Variants in CELF2 observed in about 807,000 individuals in gnomAD.
CELF2 encodes the protein CUGBP Elav-like family member 2.
A neutral mutation model predicts 62.6 loss-of-function variants in CELF2; 8 were observed. That is an observed-to-expected ratio of 0.13 (90% CI 0.07 to 0.23). The LOEUF (loss-of-function observed/expected upper bound fraction) is 0.23. Among genes scored for constraint, CELF2 ranks in the 10% least tolerant of loss-of-function variants. The pLI is 1.00. For missense variants in CELF2, 333 were observed against 671.0 expected (o/e 0.50, Z 5.56); for synonymous variants, 258 against 250.0 (o/e 1.03, Z -0.30).
chr10:11,131,853 G>C (rs1466281181), intron 1 of CELF2, among the ~76,000 whole-genome samples: 5 of 152,214 alleles, frequency 3.3e-5, no homozygotes, highest in Non-Finnish European at 5.9e-5. Context: ...CGGCTGGTTA[G>C]ACATAAAAGC....
chr10:10,798,850 T>C (rs2054338943), intron 1 of CELF2: 2 of 398,892 alleles, frequency 5.0e-6, no homozygotes, highest in South Asian at 2.5e-4. Context: ...TGCATCCTGG[T>C]TTGAGTTCAT....
the CELF2 span, among the ~76,000 whole-genome samples, chr10:10,529,640 T>G: frequency 7.6e-6 from 1 of 130,998 alleles, no homozygotes; most frequent in African/African-American, 3.0e-5. Flanking sequence ...GCCGAGATTG[T>G]GCCACTACAC....
intron 2 of CELF2, among the ~76,000 whole-genome samples, chr10:10,973,779 G>A (rs1287867952): frequency 6.6e-6 from 1 of 152,044 alleles, no homozygotes; most frequent in African/African-American, 2.4e-5. Context: ...TGTTGCCTGG[G>A]CTGGTCTCGA....
chr10:10,698,839 C>T, the CELF2 span, among the ~76,000 whole-genome samples: 1 of 152,200 alleles, frequency 6.6e-6, no homozygotes, highest in Non-Finnish European at 1.5e-5. Context: ...CACCCACACA[C>T]TGTCATCACC....
intron 1 of CELF2, among the ~76,000 whole-genome samples, chr10:11,050,909 C>T (rs2063799999): frequency 6.6e-6 from 1 of 152,224 alleles, no homozygotes; most frequent in African/African-American, 2.4e-5. Flanking sequence ...TCTTGTTTGC[C>T]TGCCTCCCTG....
At chr10:11,304,040 G>A (rs919988664) in intron 9 of CELF2, among the ~76,000 whole-genome samples, 1 of 152,184 alleles carries the variant, frequency 6.6e-6, no homozygotes, top group Non-Finnish European at 1.5e-5. Context: ...TTAGTTTCCT[G>A]TTGCTGAGAT....
chr10:10,601,732 T>G, the CELF2 span, among the ~76,000 whole-genome samples: 659 of 152,260 alleles, frequency 4.3e-3, 4 homozygotes, highest in African/African-American at 0.015. Context: ...ATTCTTTTTT[T>G]TTTTTTTTAA....
At chr10:10,733,135 G>A in the CELF2 span, among the ~76,000 whole-genome samples, 1 of 152,112 alleles carries the variant, frequency 6.6e-6, no homozygotes, top group Non-Finnish European at 1.5e-5. Context: ...TCAGGGAGAA[G>A]GAGTGTGCCT....
chr10:11,083,943 C>T (rs2074717640), intron 1 of CELF2, among the ~76,000 whole-genome samples: 1 of 152,204 alleles, frequency 6.6e-6, no homozygotes, highest in Non-Finnish European at 1.5e-5. Flanking sequence ...GCAACCACAG[C>T]ATGGACTATA....
chr10:10,822,437 T>C (rs2057044111), intron 1 of CELF2, among the ~76,000 whole-genome samples: 1 of 152,246 alleles, frequency 6.6e-6, no homozygotes, highest in South Asian at 2.1e-4. Flanking sequence ...GTAATGCATA[T>C]GCAGTCATGT....
chr10:11,325,780 C>T, intron 11 of CELF2, 56 bp from the exon 12 acceptor site: 1 of 1,510,738 alleles, frequency 6.6e-7, no homozygotes, highest in African/African-American at 1.4e-5. Context: ...TAAGAAGGGA[C>T]TTTGGAAACT....
chr10:10,513,810 T>C, the CELF2 span, among the ~76,000 whole-genome samples: 2 of 152,202 alleles, frequency 1.3e-5, no homozygotes, highest in Non-Finnish European at 2.9e-5. Context: ...AAAAGCAATA[T>C]ATGTTAGCAA....
At chr10:11,273,239 C>T (rs2084537304) in intron 7 of CELF2, among the ~76,000 whole-genome samples, 1 of 151,902 alleles carries the variant, frequency 6.6e-6, no homozygotes, top group Admixed American at 6.6e-5. Context: ...CAGTACCGGT[C>T]CATGGCTTGT....
chr10:10,530,017 G>A, the CELF2 span, among the ~76,000 whole-genome samples: 1 of 152,182 alleles, frequency 6.6e-6, no homozygotes. Context: ...TGTACTCATT[G>A]ATTTTCCCCA....
Position 11,165,253 on chromosome 10 carries a change from T to TC in CELF2, c.75-228dup, listed in dbSNP as rs2066717062. The TC allele has an allele frequency of 8.8e-6, 12 of 1,360,024 alleles. No homozygotes were observed. The highest frequency in any genetic ancestry group is 1.1e-5 in the Non-Finnish European group (12 of 1,055,506). 84.2% of individuals were successfully genotyped at this position (1,360,024 alleles called of 1,614,324 possible). ...CAGGCGGCAGGGCGCTGCCCCGTGCTCCCCCGGCTCTGCTCGACAGCAGCA... is the reference window on the plus strand; with the variant it reads ...CAGGCGGCAGGGCGCTGCCCCGTGCTCCCCCCGGCTCTGCTCGACAGCAGCA... On this transcript the variant is annotated intron_variant, in intron 1 of 12. Coordinates refer to ENST00000633077, the MANE Select transcript of CELF2 (RefSeq NM_001326342.2). The surrounding 1 kb of genome is among the most constrained non-coding windows in gnomAD (Gnocchi z 7.4).
the CELF2 span, among the ~76,000 whole-genome samples, chr10:10,614,388 A>C: frequency 0.77 from 116,875 of 151,964 alleles, 45,872 homozygotes; most frequent in South Asian, 0.87. Context: ...CCTATAAGGC[A>C]GCCTCTCACC....
At chr10:11,089,277 G>A (rs1412482380) in intron 1 of CELF2, among the ~76,000 whole-genome samples, 2 of 152,186 alleles carry the variant, frequency 1.3e-5, no homozygotes, top group East Asian at 1.9e-4. Flanking sequence ...GGCAGCCGAT[G>A]GCAGCAAAGA....
In CELF2 at chr10:11,314,737, T is replaced by C. The variant is rs2094811206; in HGVS notation, c.1096+479T>C. On this transcript the variant is annotated intron_variant, in intron 10 of 12. Transcript: ENST00000633077. This position sits in a 1 kb window ranked among gnomAD's most constrained non-coding sequence, Gnocchi z 5.3. ...GAATGGAAAGTTCTGGGTCAGATGA[T>C]TCTTAAAGGTAGCCTCCAGCTCCAA... is the stretch of plus-strand genomic sequence containing the variant. 5.0e-6 allele frequency: 1 copy of C among 198,314 alleles called. No individual in the cohort carries two copies. The allele number at this position is 198,314 out of a possible 1,614,324, so 12.3% of individuals were successfully genotyped here.
intron 5 of CELF2, among the ~76,000 whole-genome samples, chr10:11,261,084 T>A (rs1357171856): frequency 6.6e-6 from 1 of 152,226 alleles, no homozygotes; most frequent in Non-Finnish European, 1.5e-5. Context: ...AACCAGGGTA[T>A]ACCCTCTTCC....
Sources: allele counts gnomAD v4.1 joint callset (sites outside exome capture counted in the v4.1 genomes callset), GRCh38; gene constraint gnomAD v4.1.1; non-coding constraint Gnocchi (gnomAD v3.1); transcripts MANE v1.5; gene names NCBI Gene and HGNC (gene_info 2026-07-23, HGNC 2026-07-21).